The following NAALADL2 variants were observed in gnomAD, a reference collection of about 807,000 sequenced individuals.
The protein encoded by NAALADL2 is N-acetylated alpha-linked acidic dipeptidase like 2.
Under a neutral mutation model 87.2 loss-of-function variants are expected in NAALADL2, and 76 were observed. The ratio of observed to expected loss-of-function variants is 0.87; its 90% CI spans 0.72 to 1.05. NAALADL2 has a LOEUF of 1.05. NAALADL2 is among the 50% of genes least tolerant of loss of function. The probability of loss-of-function intolerance (pLI) is 0.00; values close to 1 mark genes in which losing one functional copy is unlikely to be tolerated. For missense variants in NAALADL2, 1,089 were observed against 945.8 expected, an observed-to-expected ratio of 1.15 and a Z score of -1.99; for synonymous variants, 354 against 331.0, an observed-to-expected ratio of 1.07 and a Z score of -0.75.
chr3:174,831,576 T>G lies in NAALADL2; in HGVS notation c.-9+93830T>G, dbSNP rs1157509573. ...ATATTGGTCTAAAATTCTCTTTTTT[T>G]GTTGTGTCTCTGCCTGGCTTTGGTA... On this transcript the variant is annotated intron_variant, in intron 3 of 3. Coordinates refer to the NAALADL2 transcript ENST00000434257. 8.0e-5 allele frequency among the ~76,000 whole-genome samples: 12 copies of G among 150,748 alleles called. No individual in the cohort carries two copies. The East Asian group carries it at 9.7e-4, about 12-fold the overall frequency.
At chr3:175,094,753 CTATAG>C (rs143222806) in intron 1 of NAALADL2, among the ~76,000 whole-genome samples, 123 of 74,430 alleles carry the variant, frequency 1.7e-3, no homozygotes, top group South Asian at 0.015. Flanking sequence ...GCACCAGACA[CTATAG>C]TGTGTGTGTG....
At chr3:175,324,913 A>G (rs1760496724) in intron 5 of NAALADL2, among the ~76,000 whole-genome samples, 1 of 152,198 alleles carries the variant, frequency 6.6e-6, no homozygotes, top group East Asian at 1.9e-4. Flanking sequence ...TGTTCATGAT[A>G]GTAGGGATCA....
At chr3:175,430,618 C>T (rs1314889708) in intron 5 of NAALADL2, among the ~76,000 whole-genome samples, 1 of 151,980 alleles carries the variant, frequency 6.6e-6, no homozygotes, top group Non-Finnish European at 1.5e-5. Flanking sequence ...GAGGCAGATT[C>T]ACTGAATAAG....
intron 8 of NAALADL2, among the ~76,000 whole-genome samples, chr3:175,470,188 T>A (rs1198445690): frequency 6.6e-6 from 1 of 152,098 alleles, no homozygotes; most frequent in Non-Finnish European, 1.5e-5. Flanking sequence ...TATAACACAT[T>A]TCCTTTTTCT....
intron 1 of NAALADL2, among the ~76,000 whole-genome samples, chr3:174,449,235 G>T (rs1715292078): frequency 6.6e-6 from 1 of 152,244 alleles, no homozygotes; most frequent in East Asian, 1.9e-4. Flanking sequence ...ACTTTAAAGA[G>T]AAAATGGTGG....
At chr3:174,922,478 C>T (rs9880212) in intron 1 of NAALADL2, among the ~76,000 whole-genome samples, 56,554 of 151,860 alleles carry the variant, frequency 0.37, 11,318 homozygotes, top group African/African-American at 0.53. Context: ...TCTTCAAGAC[C>T]TGGAAATTAA....
chr3:174,800,441 G>A (rs769847075), intron 3 of NAALADL2, among the ~76,000 whole-genome samples: 4 of 152,180 alleles, frequency 2.6e-5, no homozygotes, highest in Non-Finnish European at 4.4e-5. Flanking sequence ...CAGAAGTCAC[G>A]AATTGGGGTT....
chr3:174,896,499 T>C (rs1317204651), intron 1 of NAALADL2, among the ~76,000 whole-genome samples: 10 of 152,100 alleles, frequency 6.6e-5, no homozygotes, highest in Non-Finnish European at 1.0e-4. Context: ...TATAAAACAC[T>C]GATGAAGGAA....
rs1288772761 is a variant in NAALADL2 at position 175,577,180 on chromosome 3, C to T, written c.1800+993C>T. On this transcript the variant is annotated intron_variant, in intron 10 of 13. Coordinates refer to ENST00000454872, the MANE Select transcript of NAALADL2 (RefSeq NM_207015.3). ...TGAGATGGAAGCCCTGACTCTGACA[C>T]TTACTCGACAAATTATTTAACATCT... is the stretch of plus-strand genomic sequence containing the variant. 3.3e-5 allele frequency among the ~76,000 whole-genome samples: 5 copies of T among 152,146 alleles called. 1 individual carries two copies. The highest frequency in any genetic ancestry group is 7.4e-5 in the Non-Finnish European group (5 of 68,018).
At chr3:175,002,498 G>A (rs1398086995) in intron 1 of NAALADL2, among the ~76,000 whole-genome samples, 1 of 152,110 alleles carries the variant, frequency 6.6e-6, no homozygotes, top group Non-Finnish European at 1.5e-5. Flanking sequence ...ATCCATCACC[G>A]TTGCAGTGAA....
intron 11 of NAALADL2, among the ~76,000 whole-genome samples, chr3:175,717,691 C>CA (rs11401276): frequency 0.16 from 17,703 of 109,522 alleles, 1,225 homozygotes; most frequent in Middle Eastern, 0.27. Flanking sequence ...ACCCTGTCTC[C>CA]AAAAAAAAAA....
chr3:174,616,713 A>C (rs610786), intron 2 of NAALADL2, among the ~76,000 whole-genome samples: 26,417 of 151,782 alleles, frequency 0.17, 2,779 homozygotes, highest in African/African-American at 0.28. Context: ...AGTATAGCTT[A>C]CACTAACAAA....
chr3:174,842,300 C>G lies in NAALADL2; in HGVS notation c.-9+104554C>G, dbSNP rs148311051. Among the ~76,000 whole-genome samples the G allele has an allele frequency of 5.7e-3, 872 of 152,220 alleles. 9 individuals are homozygous for G. The highest frequency in any genetic ancestry group is 9.4e-3 in the Non-Finnish European group (637 of 68,010). On this transcript the variant is annotated intron_variant, in intron 3 of 3. Transcript: ENST00000434257. ...TCCTGGCCTCAGGTGATCCACTCAC[C>G]TCGGCCTCCCAAAGTGCTGAGATTA...
chr3:174,870,707 A>C (rs1166251376), intron 1 of NAALADL2, among the ~76,000 whole-genome samples: 1 of 152,206 alleles, frequency 6.6e-6, no homozygotes, highest in Non-Finnish European at 1.5e-5. Context: ...GCAGGTGTCC[A>C]CTTTAAAAGA....
intron 11 of NAALADL2, among the ~76,000 whole-genome samples, chr3:175,631,476 A>C (rs1336070306): frequency 6.7e-6 from 1 of 148,750 alleles, no homozygotes; most frequent in East Asian, 2.0e-4. Flanking sequence ...ACAAAGTTTG[A>C]ATTTGTCTTG....
chr3:174,545,588 G>A (rs1484735990), intron 1 of NAALADL2, among the ~76,000 whole-genome samples: 1 of 152,088 alleles, frequency 6.6e-6, no homozygotes, highest in Non-Finnish European at 1.5e-5. Flanking sequence ...TCTTTACTCA[G>A]AAAATTTTGT....
intron 9 of NAALADL2, among the ~76,000 whole-genome samples, chr3:175,560,603 A>G (rs1262048529): frequency 6.6e-6 from 1 of 152,054 alleles, no homozygotes; most frequent in Non-Finnish European, 1.5e-5. Flanking sequence ...TGATGTAGGC[A>G]CATAGCTATA....
At chr3:175,165,239 TTTAAAG>T (rs1733814380) in intron 2 of NAALADL2, among the ~76,000 whole-genome samples, 1 of 152,144 alleles carries the variant, frequency 6.6e-6, no homozygotes, top group South Asian at 2.1e-4. Flanking sequence ...TGTGCACTGT[TTTAAAG>T]TTAGTCTTAT....
chr3:175,491,392 G>A (rs1234658974), intron 9 of NAALADL2, among the ~76,000 whole-genome samples: 1 of 151,504 alleles, frequency 6.6e-6, no homozygotes, highest in Non-Finnish European at 1.5e-5. Context: ...TTTGTCTTCT[G>A]TGCTTATCTA....
Sources: gnomAD v4.1 joint callset for allele counts (sites outside exome capture counted in the v4.1 genomes callset) on GRCh38, gnomAD v4.1.1 for gene constraint, MANE v1.5 for transcripts, NCBI Gene and HGNC (gene_info 2026-07-23, HGNC 2026-07-21) for gene names.